CTNNA3: variants seen among roughly 807,000 people sequenced by gnomAD.
The protein encoded by CTNNA3 is catenin alpha-3.
Under a neutral mutation model 95.7 loss-of-function variants are expected in CTNNA3, and 76 were observed. That is an observed-to-expected ratio of 0.79 (90% CI 0.66 to 0.96). The LOEUF is 0.96. Among genes scored for constraint, CTNNA3 ranks in the 40% least tolerant of loss-of-function variants. The pLI is 0.00. For synonymous variants in CTNNA3, 431 were observed against 374.4 expected, an observed-to-expected ratio of 1.15 and a Z score of -1.74; for missense variants, 1,191 against 1,089.8, an observed-to-expected ratio of 1.09 and a Z score of -1.31.
chr10:66,431,295 G>C (rs1275644059), intron 11 of CTNNA3, among the ~76,000 whole-genome samples: 2 of 152,150 alleles, frequency 1.3e-5, no homozygotes, highest in South Asian at 4.2e-4. Flanking sequence ...TATACTGTTG[G>C]TGGGACTGTA....
chr10:66,499,514 C>T (rs1220048785), intron 11 of CTNNA3, among the ~76,000 whole-genome samples: 1 of 151,858 alleles, frequency 6.6e-6, no homozygotes, highest in Non-Finnish European at 1.5e-5. Context: ...TTTTTTTTGA[C>T]ACAGGGTCTC....
intron 9 of CTNNA3, among the ~76,000 whole-genome samples, chr10:66,633,497 G>A (rs1003290670): frequency 6.6e-6 from 1 of 151,972 alleles, no homozygotes; most frequent in East Asian, 1.9e-4. Context: ...TGGCTAACAT[G>A]GTGAAACCCC....
At chr10:66,637,587 A>C (rs753059775) in intron 9 of CTNNA3, among the ~76,000 whole-genome samples, 1 of 152,206 alleles carries the variant, frequency 6.6e-6, no homozygotes, top group African/African-American at 2.4e-5. Context: ...ATCCCACAGC[A>C]TTCTGGCTTT....
At chr10:67,473,883 C>A (rs543330731) in intron 5 of CTNNA3, among the ~76,000 whole-genome samples, 2 of 152,100 alleles carry the variant, frequency 1.3e-5, no homozygotes, top group South Asian at 2.1e-4. Context: ...TCTATTGGAA[C>A]TTTATATTAT....
Position 67,744,238 on chromosome 10 carries a change from C to T in CTNNA3, c.-2+19196G>A, listed in dbSNP as rs1179286521. Among the ~76,000 whole-genome samples the T allele has an allele frequency of 2.0e-5, 3 of 151,258 alleles. 1 individual carries two copies. Among genetic ancestry groups the T allele is most frequent in the African/African-American group, 7.3e-5 (3 of 41,274 alleles). On this transcript the variant is annotated intron_variant, in intron 1 of 17. Transcript: ENST00000684154. ...GAACAAAGCTGGAGGCATCACACTA[C>T]CTGACTTCACACTATACTACAAGGC... is the stretch of plus-strand genomic sequence containing the variant.
At chr10:66,613,765 AG>A (rs1844412081) in intron 10 of CTNNA3, among the ~76,000 whole-genome samples, 1 of 152,078 alleles carries the variant, frequency 6.6e-6, no homozygotes, top group African/African-American at 2.4e-5. Flanking sequence ...CATTCCCTGA[AG>A]TGAAAAGAAA....
chr10:67,136,479 C>T lies in CTNNA3; in HGVS notation c.1047+43838G>A, dbSNP rs370016749. 1.2e-3 allele frequency among the ~76,000 whole-genome samples: 175 copies of T among 151,694 alleles called. 7 individuals are homozygous for T. The South Asian group carries it at 0.036, about 31-fold the overall frequency. On this transcript the variant is annotated intron_variant, in intron 7 of 17. Transcript: ENST00000433211. ...AATTTCCAAAGGAGAAGCAGGTAAA[C>T]GATAGTGCACACAAGAGAAAATAAA...
At chr10:66,305,229 G>C (rs2091916037) in intron 12 of CTNNA3, among the ~76,000 whole-genome samples, 1 of 152,110 alleles carries the variant, frequency 6.6e-6, no homozygotes. Context: ...TAAGTTATTA[G>C]TTGTATTACT....
At chr10:65,955,751 G>T (rs2077716114) in intron 17 of CTNNA3, among the ~76,000 whole-genome samples, 2 of 152,086 alleles carry the variant, frequency 1.3e-5, no homozygotes, top group South Asian at 4.1e-4. Flanking sequence ...CTTGATCATG[G>T]TGGATAAGCT....
At chr10:67,127,585 C>T (rs1564909478) in intron 7 of CTNNA3, among the ~76,000 whole-genome samples, 1 of 152,100 alleles carries the variant, frequency 6.6e-6, no homozygotes, top group East Asian at 1.9e-4. Flanking sequence ...GCCAGCAAAA[C>T]AATCAGACTT....
intron 12 of CTNNA3, among the ~76,000 whole-genome samples, chr10:66,296,013 T>TAATAATTAAGGTATATCTATGTTG (rs1474862637): frequency 6.6e-6 from 1 of 152,216 alleles, no homozygotes; most frequent in African/African-American, 2.4e-5. Context: ...CTTTTGTAGT[T>TAATAATTAAGGTATATCTATGTTG]AATAATTAAG....
intron 15 of CTNNA3, among the ~76,000 whole-genome samples, chr10:66,005,916 T>G (rs2078869666): frequency 6.6e-6 from 1 of 151,812 alleles, no homozygotes; most frequent in East Asian, 1.9e-4. Context: ...AACTACTTAG[T>G]AATCCCCTTT....
intron 12 of CTNNA3, among the ~76,000 whole-genome samples, chr10:66,330,376 A>T (rs901156440): frequency 6.6e-6 from 1 of 152,004 alleles, no homozygotes; most frequent in Non-Finnish European, 1.5e-5. Flanking sequence ...AGCTTCATCC[A>T]TGTCCCTGCA....
intron 13 of CTNNA3, among the ~76,000 whole-genome samples, chr10:66,170,182 G>C (rs1031985039): frequency 4.1e-5 from 6 of 146,416 alleles, no homozygotes; most frequent in Admixed American, 2.7e-4. Context: ...GATCCATCCT[G>C]AGTTGATTTT....
At chr10:66,946,960 T>C (rs1056489793) in intron 7 of CTNNA3, among the ~76,000 whole-genome samples, 5 of 152,156 alleles carry the variant, frequency 3.3e-5, no homozygotes, top group African/African-American at 1.2e-4. Context: ...TATTTTGCAT[T>C]TTTAAAATCT....
intron 10 of CTNNA3, among the ~76,000 whole-genome samples, chr10:66,535,259 T>G (rs1183891684): frequency 6.6e-6 from 1 of 152,192 alleles, no homozygotes; most frequent in African/African-American, 2.4e-5. Context: ...GGAAAAGAGC[T>G]CCTCTTTGTT....
intron 11 of CTNNA3, among the ~76,000 whole-genome samples, chr10:66,410,318 T>C (rs1279815255): frequency 6.6e-6 from 1 of 152,214 alleles, no homozygotes; most frequent in Admixed American, 6.5e-5. Flanking sequence ...AATCTTCAGA[T>C]AGAAACACTC....
At chr10:66,309,918 T>C (rs1386770006) in intron 12 of CTNNA3, among the ~76,000 whole-genome samples, 1 of 79,876 alleles carries the variant, frequency 1.3e-5, no homozygotes, top group African/African-American at 4.5e-5. Flanking sequence ...AATAAATAAA[T>C]AAATAAATAA....
At chr10:66,139,839 A>G (rs1163933966) in intron 13 of CTNNA3, among the ~76,000 whole-genome samples, 1 of 152,190 alleles carries the variant, frequency 6.6e-6, no homozygotes, top group Non-Finnish European at 1.5e-5. Flanking sequence ...TAGGTCAAAC[A>G]AGAAGGGAAT....
Sources: allele counts gnomAD v4.1 joint callset (sites outside exome capture counted in the v4.1 genomes callset), GRCh38; gene constraint gnomAD v4.1.1; transcripts MANE v1.5; gene names NCBI Gene and HGNC (gene_info 2026-07-23, HGNC 2026-07-21).